The following PTK7 variants were observed in gnomAD, a reference collection of about 807,000 sequenced individuals.
PTK7 encodes protein tyrosine kinase 7 (inactive), also known as inactive tyrosine-protein kinase 7.
PTK7 carries 39 observed loss-of-function variants against 116.6 expected under a neutral mutation model. That is an observed-to-expected ratio of 0.33 (90% confidence interval 0.26 to 0.44). The LOEUF (loss-of-function observed/expected upper bound fraction) is 0.44. Ranked by LOEUF, PTK7 falls within the 20% of genes least tolerant of loss-of-function variation. PTK7 has a pLI of 1.00. For synonymous variants in PTK7, 546 were observed against 563.6 expected (o/e 0.97, Z 0.44); for missense variants, 1,169 against 1,425.6 (o/e 0.82, Z 2.90).
chr6:43,150,352 T>C (rs1026024515), intron 17 of PTK7, among the ~76,000 whole-genome samples: 1 of 152,208 alleles, frequency 6.6e-6, no homozygotes, highest in Non-Finnish European at 1.5e-5. Flanking sequence ...TGAGAATTAC[T>C]CCAGTGGCTA....
intron 1 of PTK7, among the ~76,000 whole-genome samples, chr6:43,127,890 C>T (rs537179213): frequency 3.3e-5 from 5 of 151,628 alleles, no homozygotes; most frequent in African/African-American, 9.7e-5. Context: ...GATCGCGCTA[C>T]TGCACTCCAG....
In PTK7 at chr6:43,159,591, A is replaced by T. The variant is rs1335171920; in HGVS notation, c.2874-197A>T. ...TCTTAATGGAAATTTTTTAACCATCAAACCTCTCGTGTGGTTACCTCCAGA... is the reference window on the plus strand; with the variant it reads ...TCTTAATGGAAATTTTTTAACCATCTAACCTCTCGTGTGGTTACCTCCAGA... On this transcript the variant is annotated intron_variant, in intron 18 of 19. Coordinates refer to ENST00000230419, the MANE Select transcript of PTK7 (RefSeq NM_002821.5). 8.3e-6 allele frequency: 5 copies of T among 599,712 alleles called. No homozygotes were observed. In the Admixed American group the frequency reaches 9.2e-5, roughly 11 times the overall value. The allele number at this position is 599,712 out of a possible 1,614,324, so 37.1% of individuals were successfully genotyped here.
intron 1 of PTK7, among the ~76,000 whole-genome samples, chr6:43,095,513 T>C (rs1353634876): frequency 6.6e-6 from 1 of 152,178 alleles, no homozygotes; most frequent in African/African-American, 2.4e-5. Context: ...AAGCATTCTT[T>C]CTGCGTTGTC....
In PTK7 at chr6:43,128,971, C is replaced by T. The variant is rs1391252458; in HGVS notation, c.80-6C>T. On this transcript the variant is annotated splice_region_variant and splice_polypyrimidine_tract_variant and intron_variant, in intron 1 of 19. Coordinates refer to ENST00000230419, the MANE Select transcript of PTK7 (RefSeq NM_002821.5). ...GACCCTGCCTCTCCCCTGTTTGCATCTACAGGTACCCAGACAGCCATTGTC... is the reference window on the plus strand; with the variant it reads ...GACCCTGCCTCTCCCCTGTTTGCATTTACAGGTACCCAGACAGCCATTGTC... The T allele has an allele frequency of 1.3e-6, 2 of 1,598,414 alleles. No individual in the cohort carries two copies. The highest frequency in any genetic ancestry group is 1.3e-5 in the African/African-American group (1 of 74,852).
chr6:43,082,070 T>A (rs2150368922), intron 1 of PTK7, among the ~76,000 whole-genome samples: 1 of 152,332 alleles, frequency 6.6e-6, no homozygotes, highest in South Asian at 2.1e-4. Context: ...CTCAGAGAAC[T>A]GGGTAGGGGC....
chr6:43,161,039 T>A lies in PTK7; in HGVS notation c.*158T>A. 1 of 1,062,066 alleles carries A rather than the reference T, an allele frequency of 9.4e-7. No individual in the cohort carries two copies. 65.8% of individuals were successfully genotyped at this position (1,062,066 alleles called of 1,614,324 possible). ...CTGAGCAGGGCCTGGCCTTTCCTCCTCTTCCTCACCCTCATCCTTTGGGAG... is the reference window on the plus strand; with the variant it reads ...CTGAGCAGGGCCTGGCCTTTCCTCCACTTCCTCACCCTCATCCTTTGGGAG... On this transcript the variant is annotated 3_prime_UTR_variant, in exon 20 of 20. Coordinates refer to ENST00000230419, the MANE Select transcript of PTK7 (RefSeq NM_002821.5).
chr6:43,117,465 G>A (rs755295950), intron 1 of PTK7, among the ~76,000 whole-genome samples: 2 of 152,224 alleles, frequency 1.3e-5, no homozygotes, highest in Non-Finnish European at 2.9e-5. Context: ...TGAGTGAAAT[G>A]AGAAGCAGCC....
chr6:43,118,286 C>T (rs1292393455), intron 1 of PTK7, among the ~76,000 whole-genome samples: 2 of 151,852 alleles, frequency 1.3e-5, no homozygotes, highest in East Asian at 3.9e-4. Context: ...CCTGTAATCC[C>T]AGTACTTTGG....
At chr6:43,117,256 G>C (rs1268807700) in intron 1 of PTK7, among the ~76,000 whole-genome samples, 2 of 152,228 alleles carry the variant, frequency 1.3e-5, no homozygotes, top group East Asian at 1.9e-4. Context: ...AGGCCACAGA[G>C]AAGGATCCTC....
At chr6:43,148,764 C>T (rs953339300) in intron 17 of PTK7, among the ~76,000 whole-genome samples, 2 of 89,416 alleles carry the variant, frequency 2.2e-5, no homozygotes, top group Non-Finnish European at 3.9e-5. Context: ...AGAGAGGATG[C>T]TTTTAAAAAA....
intron 1 of PTK7, among the ~76,000 whole-genome samples, chr6:43,115,976 C>CCCATG (rs1379607186): frequency 7.3e-5 from 11 of 151,336 alleles, no homozygotes; most frequent in Non-Finnish European, 2.9e-5. Context: ...AAATCCTGCT[C>CCCATG]CCATGCCCCT....
chr6:43,095,774 G>T (rs1240049082), intron 1 of PTK7, among the ~76,000 whole-genome samples: 1 of 152,210 alleles, frequency 6.6e-6, no homozygotes, highest in African/African-American at 2.4e-5. Context: ...AAAGATGGAT[G>T]TACAGCTAAG....
In PTK7 at chr6:43,159,826, G is replaced by A; in HGVS notation, c.2912G>A (p.Arg971His). Residue 971 changes from arginine (R) to histidine (H), a missense_variant, in exon 19 of 20, where the codon CGC (arginine) becomes CAC (histidine). By Grantham distance (29) the Arg-to-His change is conservative. Transcript: ENST00000230419. ...YHFRQAWVPLRWMSPEAILEG... is the reference protein window; with the variant it reads ...YHFRQAWVPLHWMSPEAILEG... ...TTCCGCCAGGCCTGGGTGCCGCTGCGCTGGATGTCCCCCGAGGCCATCCTG... is the reference window on the plus strand; with the variant it reads ...TTCCGCCAGGCCTGGGTGCCGCTGCACTGGATGTCCCCCGAGGCCATCCTG... The A allele has an allele frequency of 6.2e-7, 1 of 1,614,216 alleles. No individual in the cohort carries two copies. The highest frequency in any genetic ancestry group is 2.2e-5 in the East Asian group (1 of 44,882).
chr6:43,089,799 C>G (rs774297342), intron 1 of PTK7, among the ~76,000 whole-genome samples: 1 of 152,274 alleles, frequency 6.6e-6, no homozygotes, highest in South Asian at 2.1e-4. Flanking sequence ...TCCTATCCCC[C>G]CTCCCCTTTA....
chr6:43,137,845 C>T (rs959890360), intron 7 of PTK7, among the ~76,000 whole-genome samples: 20 of 152,078 alleles, frequency 1.3e-4, no homozygotes, highest in Non-Finnish European at 2.2e-4. Context: ...CTCACTCTTT[C>T]GCCCAGGCTG....
intron 1 of PTK7, among the ~76,000 whole-genome samples, chr6:43,100,241 G>A (rs1331447994): frequency 6.6e-6 from 1 of 152,028 alleles, no homozygotes; most frequent in Non-Finnish European, 1.5e-5. Flanking sequence ...AAATTAGCTG[G>A]GCGTGGTGGC....
intron 17 of PTK7, among the ~76,000 whole-genome samples, chr6:43,156,355 A>C (rs945717203): frequency 6.6e-6 from 1 of 151,890 alleles, no homozygotes; most frequent in Non-Finnish European, 1.5e-5. Flanking sequence ...TGATCCCAGC[A>C]GTTTGGGAGG....
intron 7 of PTK7, among the ~76,000 whole-genome samples, chr6:43,134,601 G>A (rs1202768806): frequency 2.0e-5 from 3 of 151,968 alleles, no homozygotes; most frequent in Admixed American, 6.6e-5. Context: ...CCAACATGGT[G>A]AAACCCCGTC....
intron 1 of PTK7, among the ~76,000 whole-genome samples, chr6:43,080,301 G>A (rs913623222): frequency 1.3e-5 from 2 of 152,134 alleles, no homozygotes; most frequent in African/African-American, 2.4e-5. Context: ...GCAGTGAGCC[G>A]AGATTGCACC....
Sources: gnomAD v4.1 joint callset for allele counts (sites outside exome capture counted in the v4.1 genomes callset) on GRCh38, gnomAD v4.1.1 for gene constraint, MANE v1.5 for transcripts, NCBI Gene and HGNC (gene_info 2026-07-23, HGNC 2026-07-21) for gene names.